The following DPP6 variants were observed in gnomAD, a reference collection of about 807,000 sequenced individuals.
The protein encoded by DPP6 is A-type potassium channel modulatory protein DPP6.
In DPP6, 69 loss-of-function variants were observed where a neutral mutation model predicts 122.6. The ratio of observed to expected loss-of-function variants is 0.56; its 90% CI spans 0.46 to 0.69. DPP6 has a LOEUF of 0.69. Among genes scored for constraint, DPP6 ranks in the 30% least tolerant of loss-of-function variants. The pLI is 0.00. For synonymous variants in DPP6, 418 were observed against 433.1 expected (o/e 0.97, Z 0.43); for missense variants, 928 against 1,116.9 (o/e 0.83, Z 2.41).
intron 10 of DPP6, among the ~76,000 whole-genome samples, chr7:154,790,113 A>G (rs1010208483): frequency 9.2e-5 from 14 of 152,184 alleles, no homozygotes; most frequent in African/African-American, 3.1e-4. Flanking sequence ...CATGAGAATC[A>G]CTTGAACCCA....
the DPP6 span, among the ~76,000 whole-genome samples, chr7:153,797,654 C>T: frequency 4.6e-5 from 7 of 152,192 alleles, no homozygotes; most frequent in South Asian, 2.1e-4. Flanking sequence ...TAACCAACTA[C>T]CACAGACTGG....
chr7:153,991,331 A>T, intron 1 of DPP6, among the ~76,000 whole-genome samples: 1 of 152,210 alleles, frequency 6.6e-6, no homozygotes, highest in East Asian at 1.9e-4. Context: ...TATAAAAAAG[A>T]AAAATAGGGA....
At chr7:154,577,389 G>C (rs1285686295) in intron 5 of DPP6, among the ~76,000 whole-genome samples, 2 of 152,182 alleles carry the variant, frequency 1.3e-5, no homozygotes, top group African/African-American at 2.4e-5. Context: ...GCTGGTGCAG[G>C]AGCAGCTGGC....
intron 1 of DPP6, among the ~76,000 whole-genome samples, chr7:154,217,364 G>T (rs952616314): frequency 6.6e-5 from 10 of 152,128 alleles, no homozygotes; most frequent in Admixed American, 6.5e-4. Flanking sequence ...CAAATCATTT[G>T]ACCCACATGA....
intron 1 of DPP6, among the ~76,000 whole-genome samples, chr7:154,022,371 T>C (rs1010934906): frequency 1.3e-5 from 2 of 151,494 alleles, no homozygotes; most frequent in African/African-American, 4.9e-5. Flanking sequence ...GAGTGGAGAG[T>C]AGGGGACACT....
chr7:154,060,396 A>AC (rs1801599797), intron 1 of DPP6, among the ~76,000 whole-genome samples: 1 of 112,138 alleles, frequency 8.9e-6, no homozygotes, highest in Non-Finnish European at 1.8e-5. Context: ...GGCTCTTAGG[A>AC]CCCCCATCGC....
Position 154,483,624 on chromosome 7 carries a change from G to C in DPP6, c.457+8587G>C, listed in dbSNP as rs1823522075. Among the ~76,000 whole-genome samples, 1 of 152,222 alleles carries C rather than the reference G, an allele frequency of 6.6e-6. No homozygotes were observed. The highest frequency in any genetic ancestry group is 2.4e-5 in the African/African-American group (1 of 41,450). ...TTAGTTGGGAGCTTCTGACTGGTTA[G>C]TCTTTAAGTTTCACTTTTCTTTAAT... On this transcript the variant is annotated intron_variant, in intron 3 of 25. Transcript: ENST00000377770. This position sits in a 1 kb window ranked among gnomAD's most constrained non-coding sequence, Gnocchi z 8.1.
At chr7:154,584,763 C>T (rs955160251) in intron 5 of DPP6, among the ~76,000 whole-genome samples, 5 of 152,180 alleles carry the variant, frequency 3.3e-5, no homozygotes, top group African/African-American at 1.2e-4. Context: ...ATATTTAAAC[C>T]TGCTTTGCAG....
chr7:154,882,424 C>T lies in DPP6; in HGVS notation c.2133+1482C>T, dbSNP rs547560223. Among the ~76,000 whole-genome samples the T allele has an allele frequency of 1.4e-4, 21 of 152,320 alleles. No homozygotes were observed. The South Asian group carries it at 2.7e-3, about 20-fold the overall frequency. ...TTTTAACAAGCCTTAGATAGAGGTC[C>T]GTAGACCCCACAATGGTATTTCTCC... is the stretch of plus-strand genomic sequence containing the variant. On this transcript the variant is annotated intron_variant, in intron 21 of 25. Coordinates refer to ENST00000377770, the MANE Select transcript of DPP6 (RefSeq NM_130797.4).
the DPP6 span, among the ~76,000 whole-genome samples, chr7:153,836,154 T>C: frequency 6.6e-6 from 1 of 152,206 alleles, no homozygotes; most frequent in Non-Finnish European, 1.5e-5. Context: ...CACTCAGTGG[T>C]GCACAGATTT....
At chr7:154,695,099 G>T (rs1006790545) in intron 7 of DPP6, among the ~76,000 whole-genome samples, 1 of 152,226 alleles carries the variant, frequency 6.6e-6, no homozygotes, top group Non-Finnish European at 1.5e-5. Flanking sequence ...GAAGACGGGG[G>T]TGAGATGGTA....
chr7:154,450,745 C>T (rs144114567), intron 2 of DPP6, among the ~76,000 whole-genome samples: 11 of 152,308 alleles, frequency 7.2e-5, no homozygotes, highest in African/African-American at 2.6e-4. Context: ...ACTGCAAAGC[C>T]AATCCTTGTT....
chr7:154,235,377 G>A (rs565427147), intron 1 of DPP6, among the ~76,000 whole-genome samples: 3 of 152,144 alleles, frequency 2.0e-5, no homozygotes, highest in Admixed American at 1.3e-4. Flanking sequence ...GTCAAATAAC[G>A]ACACAGTGTT....
intron 1 of DPP6, among the ~76,000 whole-genome samples, chr7:154,266,584 A>C (rs1054422279): frequency 6.6e-6 from 1 of 152,212 alleles, no homozygotes; most frequent in African/African-American, 2.4e-5. Context: ...GTCCCAAATA[A>C]AGGACAAAGA....
chr7:154,303,167 G>C (rs1806023441), intron 1 of DPP6, among the ~76,000 whole-genome samples: 1 of 152,178 alleles, frequency 6.6e-6, no homozygotes, highest in African/African-American at 2.4e-5. Context: ...TTAGGTTTAA[G>C]AGGAATCCCA....
At chr7:154,440,368 A>G (rs1337571955) in intron 1 of DPP6, among the ~76,000 whole-genome samples, 1 of 152,112 alleles carries the variant, frequency 6.6e-6, no homozygotes, top group East Asian at 1.9e-4. Context: ...GCACCCCGGA[A>G]GTACTCACAA....
At chr7:154,102,274 T>C (rs1462842552) in intron 1 of DPP6, among the ~76,000 whole-genome samples, 3 of 152,074 alleles carry the variant, frequency 2.0e-5, no homozygotes, top group Admixed American at 1.3e-4. Flanking sequence ...ACTGCAACCT[T>C]TGCCTCCTGG....
intron 5 of DPP6, among the ~76,000 whole-genome samples, chr7:154,622,800 C>A (rs1043914735): frequency 6.6e-6 from 1 of 152,192 alleles, no homozygotes; most frequent in Admixed American, 6.5e-5. Context: ...CCAGCCAGGG[C>A]AGCCTGCTGT....
intron 1 of DPP6, among the ~76,000 whole-genome samples, chr7:154,275,699 T>A (rs1220056447): frequency 6.6e-6 from 1 of 152,216 alleles, no homozygotes; most frequent in African/African-American, 2.4e-5. Flanking sequence ...ATCAGCTCCC[T>A]CCTCAGTGCT....
Sources: gnomAD v4.1 joint callset for allele counts (sites outside exome capture counted in the v4.1 genomes callset) on GRCh38, gnomAD v4.1.1 for gene constraint, Gnocchi (gnomAD v3.1) non-coding constraint, MANE v1.5 for transcripts, NCBI Gene and HGNC (gene_info 2026-07-23, HGNC 2026-07-21) for gene names.